The following AGBL4 variants were observed in gnomAD, a reference collection of about 807,000 sequenced individuals.
AGBL4 encodes the protein cytosolic carboxypeptidase 6.
AGBL4 carries 58 observed loss-of-function variants against 66.4 expected under a neutral mutation model. The ratio of observed to expected loss-of-function variants is 0.87; its 90% confidence interval spans 0.71 to 1.09. AGBL4 has a LOEUF of 1.09. Ranked by LOEUF, AGBL4 falls within the 50% of genes least tolerant of loss-of-function variation. AGBL4 has a pLI of 0.00. For synonymous variants in AGBL4, 234 were observed against 222.9 expected, an observed-to-expected ratio of 1.05 and a Z score of -0.44; for missense variants, 579 against 631.0, an observed-to-expected ratio of 0.92 and a Z score of 0.88.
At chr1:48,534,851 G>A in intron 13 of AGBL4, 39 bp downstream of exon 13, 1 of 1,545,136 alleles carries the variant, frequency 6.5e-7, no homozygotes, top group Non-Finnish European at 8.8e-7. Flanking sequence ...TGCATGGTAT[G>A]TTACTTACGG....
intron 2 of AGBL4, among the ~76,000 whole-genome samples, chr1:49,746,619 G>T (rs554727081): frequency 1.3e-5 from 2 of 152,016 alleles, no homozygotes; most frequent in East Asian, 1.9e-4. Flanking sequence ...GCAGGTAAAA[G>T]AATCAGATCT....
At chr1:49,883,247 T>C (rs1284736103) in intron 1 of AGBL4, among the ~76,000 whole-genome samples, 1 of 152,102 alleles carries the variant, frequency 6.6e-6, no homozygotes, top group Non-Finnish European at 1.5e-5. Flanking sequence ...CAAATACAAA[T>C]ATTGGAACTC....
intron 3 of AGBL4, among the ~76,000 whole-genome samples, chr1:49,293,444 A>G (rs1644582634): frequency 6.6e-6 from 1 of 152,218 alleles, no homozygotes; most frequent in South Asian, 2.1e-4. Context: ...CAACAACCCA[A>G]GGATCCTATA....
At chr1:49,722,943 T>C (rs1202742893) in intron 2 of AGBL4, among the ~76,000 whole-genome samples, 1 of 152,102 alleles carries the variant, frequency 6.6e-6, no homozygotes. Flanking sequence ...ACTCCTCAAC[T>C]TGAGCTAAGT....
At chr1:49,188,470 TGGTGAACCAAAAAAC>T (rs1647055686) in intron 4 of AGBL4, among the ~76,000 whole-genome samples, 2 of 152,166 alleles carry the variant, frequency 1.3e-5, no homozygotes, top group Non-Finnish European at 2.9e-5. Flanking sequence ...TGGGATTCAA[TGGTGAACCAAAAAAC>T]AGTCCCTGCC....
intron 11 of AGBL4, among the ~76,000 whole-genome samples, chr1:48,543,013 G>A (rs901166527): frequency 6.6e-6 from 1 of 152,170 alleles, no homozygotes; most frequent in East Asian, 1.9e-4. Flanking sequence ...GAGAAGATAA[G>A]GGATTTCCCC....
chr1:49,875,112 T>C (rs1571768870), intron 1 of AGBL4, among the ~76,000 whole-genome samples: 2 of 149,802 alleles, frequency 1.3e-5, no homozygotes, highest in Middle Eastern at 3.5e-3. Context: ...TTACTAAGAA[T>C]GATGATTTCC....
At chr1:49,430,954 G>A (rs1645772623) in intron 3 of AGBL4, among the ~76,000 whole-genome samples, 1 of 152,092 alleles carries the variant, frequency 6.6e-6, no homozygotes, top group Non-Finnish European at 1.5e-5. Flanking sequence ...CTATATTGTT[G>A]CACATAGGTG....
intron 6 of AGBL4, among the ~76,000 whole-genome samples, chr1:48,843,252 CAAT>C (rs1646844192): frequency 6.6e-6 from 1 of 152,066 alleles, no homozygotes; most frequent in East Asian, 1.9e-4. Flanking sequence ...TTTGGAACAA[CAAT>C]GATTGATTTA....
At chr1:48,945,914 G>T (rs930171519) in intron 5 of AGBL4, among the ~76,000 whole-genome samples, 4 of 152,150 alleles carry the variant, frequency 2.6e-5, no homozygotes, top group African/African-American at 9.7e-5. Flanking sequence ...AGAATTCAAT[G>T]AGTTAATATA....
chr1:49,489,280 A>G (rs1200205212), intron 3 of AGBL4, among the ~76,000 whole-genome samples: 1 of 151,948 alleles, frequency 6.6e-6, no homozygotes, highest in East Asian at 1.9e-4. Flanking sequence ...CCTAATGATC[A>G]ATGATGTTGA....
In AGBL4 at chr1:50,023,880, G is replaced by T; in HGVS notation, c.-84C>A. ...TGGTGGGATCAGTGGGCTGACAGGA[G>T]CTACCTCAGGAAGACGCGGCACGAC... is the stretch of plus-strand genomic sequence containing the variant. On this transcript the variant is annotated 5_prime_UTR_variant, in exon 1 of 14. Coordinates refer to ENST00000371839, the MANE Select transcript of AGBL4 (RefSeq NM_032785.4). 1 of 1,447,360 alleles carries T rather than the reference G, an allele frequency of 6.9e-7. No homozygotes were observed. The highest frequency in any genetic ancestry group is 9.3e-7 in the Non-Finnish European group (1 of 1,078,712). 89.7% of individuals were successfully genotyped at this position (1,447,360 alleles called of 1,614,324 possible).
intron 4 of AGBL4, among the ~76,000 whole-genome samples, chr1:49,151,498 C>G (rs1223307998): frequency 1.3e-5 from 2 of 148,952 alleles, no homozygotes; most frequent in Non-Finnish European, 3.0e-5. Flanking sequence ...CATTACCCAT[C>G]TGATGTGAAG....
At chr1:48,710,403 G>C (rs563145496) in intron 6 of AGBL4, among the ~76,000 whole-genome samples, 9 of 152,332 alleles carry the variant, frequency 5.9e-5, no homozygotes, top group African/African-American at 1.9e-4. Context: ...GGTGGGAACT[G>C]TCTGGGGCTG....
intron 11 of AGBL4, among the ~76,000 whole-genome samples, chr1:48,583,709 C>G (rs1644772999): frequency 6.6e-6 from 1 of 152,100 alleles, no homozygotes; most frequent in South Asian, 2.1e-4. Context: ...CTCCTGATTC[C>G]TAGTCTAGAG....
At chr1:49,513,982 T>C (rs1649516498) in intron 3 of AGBL4, among the ~76,000 whole-genome samples, 1 of 152,026 alleles carries the variant, frequency 6.6e-6, no homozygotes, top group South Asian at 2.1e-4. Flanking sequence ...TTCGAAGCAA[T>C]TGCGAATGGG....
chr1:49,234,774 C>T (rs1240391042), intron 4 of AGBL4, among the ~76,000 whole-genome samples: 1 of 152,124 alleles, frequency 6.6e-6, no homozygotes, highest in African/African-American at 2.4e-5. Flanking sequence ...CTCAGGAAAG[C>T]CCAGAGTTCC....
chr1:49,669,516 T>C (rs1202774401), intron 3 of AGBL4, among the ~76,000 whole-genome samples: 1 of 152,082 alleles, frequency 6.6e-6, no homozygotes, highest in Non-Finnish European at 1.5e-5. Context: ...TGTATTTCTA[T>C]ATTAACATTC....
chr1:48,990,493 T>A (rs777507282), intron 5 of AGBL4, among the ~76,000 whole-genome samples: 42 of 152,176 alleles, frequency 2.8e-4, no homozygotes, highest in Non-Finnish European at 5.3e-4. Context: ...TCCCCAATAT[T>A]TTCTTGTAGT....
Sources: gnomAD v4.1 joint callset for allele counts (sites outside exome capture counted in the v4.1 genomes callset) on GRCh38, gnomAD v4.1.1 for gene constraint, MANE v1.5 for transcripts, NCBI Gene and HGNC (gene_info 2026-07-23, HGNC 2026-07-21) for gene names.